CLIP2: variants seen among roughly 807,000 people sequenced by gnomAD.
CLIP2 encodes CAP-Gly domain containing linker protein 2.
A neutral mutation model predicts 111.7 loss-of-function variants in CLIP2; 41 were observed. The ratio of observed to expected loss-of-function variants is 0.37; its 90% CI spans 0.29 to 0.48. CLIP2 has a LOEUF of 0.48. Ranked by LOEUF, CLIP2 falls within the 20% of genes least tolerant of loss-of-function variation. CLIP2 has a pLI of 0.99. For missense variants in CLIP2, 1,160 were observed against 1,422.1 expected, an observed-to-expected ratio of 0.82 and a Z score of 2.96; for synonymous variants, 660 against 644.2, an observed-to-expected ratio of 1.02 and a Z score of -0.37.
chr7:74,339,221 T>C (rs1194086491), intron 3 of CLIP2, among the ~76,000 whole-genome samples: 1 of 152,216 alleles, frequency 6.6e-6, no homozygotes, highest in Non-Finnish European at 1.5e-5. Context: ...TGTGTGACCT[T>C]GGGCAAGTGT....
intron 3 of CLIP2, among the ~76,000 whole-genome samples, chr7:74,346,345 C>T (rs543257418): frequency 1.1e-4 from 17 of 152,216 alleles, no homozygotes; most frequent in African/African-American, 3.1e-4. Context: ...AGTGTCCATC[C>T]GGAAACCCTA....
chr7:74,316,982 C>G (rs1005044152), intron 1 of CLIP2, among the ~76,000 whole-genome samples: 1 of 152,012 alleles, frequency 6.6e-6, no homozygotes, highest in Non-Finnish European at 1.5e-5. Context: ...TGGGCTCAAG[C>G]GATCCACCAG....
intron 8 of CLIP2, 71 bp from the exon 9 acceptor site, chr7:74,372,861 C>T: frequency 1.2e-6 from 1 of 808,106 alleles, no homozygotes; most frequent in Non-Finnish European, 1.9e-6. Context: ...TCTCCGGCTT[C>T]TTCTTCCCTG....
rs782574922 is a variant in CLIP2 at position 74,338,399 on chromosome 7, G to A, written c.122-49G>A. ...CTCTGTGCTCCTGGGGCCACCCAGG[G>A]GCCAGCCCTAACAGCCACCTCTTTC... On this transcript the variant is annotated intron_variant, in intron 2 of 16. Coordinates refer to ENST00000223398, the MANE Select transcript of CLIP2 (RefSeq NM_003388.5). This position sits in a 1 kb window ranked among gnomAD's most constrained non-coding sequence, Gnocchi z 4.3. 1.1e-5 allele frequency: 17 copies of A among 1,584,750 alleles called. No individual in the cohort carries two copies. In the South Asian group the frequency reaches 1.8e-4, roughly 17 times the overall value.
chr7:74,378,974 G>A (rs782579927), intron 10 of CLIP2, among the ~76,000 whole-genome samples: 1 of 152,202 alleles, frequency 6.6e-6, no homozygotes, highest in African/African-American at 2.4e-5. Flanking sequence ...ATTAGCTTAC[G>A]TGCACATGGC....
At chr7:74,292,998 A>C (rs1415171134) in intron 1 of CLIP2, among the ~76,000 whole-genome samples, 2 of 152,050 alleles carry the variant, frequency 1.3e-5, no homozygotes, top group Non-Finnish European at 2.9e-5. Context: ...GTATCTTTCC[A>C]CTGCAGCTCT....
At chr7:74,369,895 C>T (rs1790560836) in intron 8 of CLIP2, among the ~76,000 whole-genome samples, 1 of 81,120 alleles carries the variant, frequency 1.2e-5, no homozygotes, top group African/African-American at 3.6e-5. Flanking sequence ...CACGGTGGCT[C>T]ATGCCTGTAA....
chr7:74,353,854 A>G (rs782071260), intron 3 of CLIP2, 26 bp from the exon 4 acceptor site: 34 of 1,613,768 alleles, frequency 2.1e-5, no homozygotes, highest in Admixed American at 5.0e-5. Flanking sequence ...CATCCTCTAG[A>G]CCTGAGTCTC....
At chr7:74,332,065 G>T (rs1789301842) in intron 2 of CLIP2, among the ~76,000 whole-genome samples, 1 of 151,986 alleles carries the variant, frequency 6.6e-6, no homozygotes, top group Non-Finnish European at 1.5e-5. Flanking sequence ...AAGAAGGTTT[G>T]TTGTTGTTGG....
chr7:74,368,239 C>T (rs930189286), intron 8 of CLIP2, among the ~76,000 whole-genome samples: 4 of 151,928 alleles, frequency 2.6e-5, no homozygotes, highest in African/African-American at 4.8e-5. Flanking sequence ...AAATAAAGGC[C>T]GGGCGCGGTG....
chr7:74,372,705 C>T (rs1484438440), intron 8 of CLIP2, among the ~76,000 whole-genome samples: 1 of 151,078 alleles, frequency 6.6e-6, no homozygotes, highest in Admixed American at 6.6e-5. Context: ...AGCCGGGACA[C>T]AGCAAGGGGT....
intron 6 of CLIP2, among the ~76,000 whole-genome samples, chr7:74,358,868 A>C (rs1554309111): frequency 6.6e-6 from 1 of 151,646 alleles, no homozygotes; most frequent in Non-Finnish European, 1.5e-5. Context: ...ATCGTGCCCC[A>C]CCTCTTCCCC....
intron 3 of CLIP2, among the ~76,000 whole-genome samples, chr7:74,346,374 G>A (rs523434): frequency 0.7 from 106,739 of 151,984 alleles, 38,177 homozygotes; most frequent in East Asian, 0.83. Context: ...GTAACTGGCC[G>A]CATGTTGGCC....
chr7:74,303,329 C>T (rs1408213210), intron 1 of CLIP2, among the ~76,000 whole-genome samples: 8 of 152,314 alleles, frequency 5.3e-5, no homozygotes, highest in African/African-American at 1.9e-4. Flanking sequence ...GAGGTGCCAG[C>T]CTGGAGTGGT....
At chr7:74,393,279 C>G (rs1452233210) in intron 13 of CLIP2, among the ~76,000 whole-genome samples, 4 of 152,012 alleles carry the variant, frequency 2.6e-5, no homozygotes, top group African/African-American at 9.7e-5. Context: ...CTGCCTGCCT[C>G]TGCCTCCCAA....
Position 74,317,572 on chromosome 7 carries a change from C to A in CLIP2, c.26C>A (p.Pro9His). 6.7e-7 allele frequency: 1 copy of A among 1,483,278 alleles called. No individual in the cohort carries two copies. Among genetic ancestry groups the A allele is most frequent in the Non-Finnish European group, 9.0e-7 (1 of 1,109,504 alleles). The allele number at this position is 1,483,278 out of a possible 1,614,324, so 91.9% of individuals were successfully genotyped here. The change falls in exon 2 of 17, where the codon CCC becomes CAC. Residue 9 changes from proline to histidine, a missense_variant. Physicochemically the swap from Pro to His is moderately conservative, Grantham distance 77 (BLOSUM62 -2). Transcript: ENST00000223398. MQKPSGLK[P>H]PGRGGKHSSP... ...ATGCAGAAGCCCAGCGGCCTGAAGC[C>A]CCCCGGCCGTGGGGGGAAGCACTCC...
chr7:74,323,013 G>A (rs112684150), intron 2 of CLIP2, among the ~76,000 whole-genome samples: 6 of 152,090 alleles, frequency 3.9e-5, no homozygotes, highest in African/African-American at 1.4e-4. Context: ...ACAGGTATGA[G>A]CCACCGCGCC....
At position 74,364,258 on chromosome 7, in the gene CLIP2, G is replaced by A. The variant is rs781798751; in HGVS notation, c.1323G>A (p.Lys441=). 1 of 1,613,342 alleles carries A rather than the reference G, an allele frequency of 6.2e-7. No homozygotes were observed. Among genetic ancestry groups the A allele is most frequent in the Non-Finnish European group, 8.5e-7 (1 of 1,179,686 alleles). Residue 441 remains lysine, a synonymous_variant, in exon 8 of 17, where the codon AAG becomes AAA. Transcript: ENST00000223398. ...LSNQLEEERR[K]VEDLQFRVEE... ...CACCTCTTTCCCTCCCCTGCAGGAA[G>A]GTGGAGGATCTGCAGTTCCGCGTGG...
In CLIP2 at chr7:74,392,350, C is replaced by CAA. The variant is rs56386461; in HGVS notation, c.2720+3104_2720+3105dup. On this transcript the variant is annotated intron_variant, in intron 13 of 16. Coordinates refer to ENST00000223398, the MANE Select transcript of CLIP2 (RefSeq NM_003388.5). ...TGGGCGACAGAGTGAGACTCCATCT[C>CAA]AAAAAAAAAAAAAAGAAAAGGAAAG... Among the ~76,000 whole-genome samples, 30 of 127,196 alleles carry CAA rather than the reference C, an allele frequency of 2.4e-4. No homozygotes were observed. The South Asian group carries it at 7.1e-3, about 30-fold the overall frequency. 83.4% of individuals were successfully genotyped at this position (127,196 alleles called of 152,430 possible). A position where few individuals can be genotyped will look rare whatever the true frequency, so the allele number is the denominator to read the frequency against.
Sources: gnomAD v4.1 joint callset for allele counts (sites outside exome capture counted in the v4.1 genomes callset) on GRCh38, gnomAD v4.1.1 for gene constraint, Gnocchi (gnomAD v3.1) non-coding constraint, MANE v1.5 for transcripts, NCBI Gene and HGNC (gene_info 2026-07-23, HGNC 2026-07-21) for gene names.